The following HNRNPLL variants were observed in gnomAD, a reference collection of about 807,000 sequenced individuals.
HNRNPLL encodes heterogeneous nuclear ribonucleoprotein L like, also known as heterogeneous nuclear ribonucleoprotein L-like.
In HNRNPLL, 25 loss-of-function variants were observed where a neutral mutation model predicts 67.1. The observed-to-expected ratio is 0.37, with a 90% confidence interval of 0.27 to 0.52. The LOEUF (loss-of-function observed/expected upper bound fraction) is 0.52, where lower values mean the gene tolerates loss of function less well. Ranked by LOEUF, HNRNPLL falls within the 20% of genes least tolerant of loss-of-function variation. The probability of loss-of-function intolerance (pLI) is 0.90; values close to 1 mark genes in which losing one functional copy is unlikely to be tolerated. For synonymous variants in HNRNPLL, 267 were observed against 241.7 expected, an observed-to-expected ratio of 1.10 and a Z score of -0.97; for missense variants, 542 against 673.9, an observed-to-expected ratio of 0.80 and a Z score of 2.17.
At chr2:38,564,449 G>A (rs546102506) in intron 12 of HNRNPLL, among the ~76,000 whole-genome samples, 35 of 151,506 alleles carry the variant, frequency 2.3e-4, no homozygotes, top group Admixed American at 5.9e-4. Context: ...GTGAAACCCC[G>A]CCTCTACTAA....
chr2:38,580,542 T>C (rs1031380261), intron 6 of HNRNPLL, among the ~76,000 whole-genome samples: 15 of 152,200 alleles, frequency 9.9e-5, no homozygotes, highest in Non-Finnish European at 1.3e-4. Context: ...TTGTATGCCA[T>C]AAAATTTTTT....
intron 2 of HNRNPLL, among the ~76,000 whole-genome samples, chr2:38,591,138 GAAC>G (rs1176689437): frequency 2.0e-5 from 3 of 152,130 alleles, no homozygotes; most frequent in African/African-American, 7.2e-5. Flanking sequence ...CCAAAATCAA[GAAC>G]AACAAAAAAA....
intron 1 of HNRNPLL, among the ~76,000 whole-genome samples, chr2:38,597,893 T>C (rs1264079677): frequency 6.6e-6 from 1 of 152,088 alleles, no homozygotes; most frequent in Non-Finnish European, 1.5e-5. Context: ...TTCACCATCT[T>C]GGCCAGGCTG....
chr2:38,569,943 CA>C lies in HNRNPLL; in HGVS notation c.1093-19del. On this transcript the variant is annotated intron_variant, in intron 8 of 12. Transcript: ENST00000449105. ...AATTTTACCTGTAAACACAAAATTC[CA>C]AAAAGGTGACCATTTAATTCCCTTT... 1.3e-6 allele frequency: 2 copies of C among 1,556,384 alleles called. No individual in the cohort carries two copies. The highest frequency in any genetic ancestry group is 1.7e-6 in the Non-Finnish European group (2 of 1,150,036).
In HNRNPLL at chr2:38,597,268, T is replaced by C. The variant is rs141249793; in HGVS notation, c.189+5170A>G. ...TGATTTATTAAGTCACACCTAAGTT[T>C]ACTCTTCAGGCGAAATATCCTCCAG... On this transcript the variant is annotated intron_variant, in intron 1 of 12. Coordinates refer to ENST00000449105, the MANE Select transcript of HNRNPLL (RefSeq NM_138394.4). 9.8e-5 allele frequency among the ~76,000 whole-genome samples: 15 copies of C among 152,376 alleles called. No individual in the cohort carries two copies. In the East Asian group the frequency reaches 1.5e-3, roughly 16 times the overall value.
chr2:38,596,271 T>C (rs1667184978), intron 1 of HNRNPLL, among the ~76,000 whole-genome samples: 1 of 152,118 alleles, frequency 6.6e-6, no homozygotes, highest in African/African-American at 2.4e-5. Flanking sequence ...TAGAGACTTC[T>C]CTCTTTTTTG....
rs770228275 is a variant in HNRNPLL, at chr2:38,602,665, G to A, written c.-39C>T. The A allele has an allele frequency of 6.9e-7, 1 of 1,457,768 alleles. No homozygotes were observed. Among genetic ancestry groups the A allele is most frequent in the Middle Eastern group, 1.9e-4 (1 of 5,266 alleles). The allele number at this position is 1,457,768 out of a possible 1,614,324, so 90.3% of individuals were successfully genotyped here. ...GGGACCGGCTGGCAGGCGGGTGGGG[G>A]TGGCGGTGGGGCGCGCGCCTCGGAT... On this transcript the variant is annotated 5_prime_UTR_variant, in exon 1 of 13. Coordinates refer to ENST00000449105, the MANE Select transcript of HNRNPLL (RefSeq NM_138394.4).
intron 12 of HNRNPLL, among the ~76,000 whole-genome samples, chr2:38,564,613 C>CAA (rs70954732): frequency 0.093 from 3,341 of 35,922 alleles, 158 homozygotes; most frequent in Non-Finnish European, 0.12. Flanking sequence ...GACTCCGTCT[C>CAA]AAAAAAAAAA....
chr2:38,569,657 T>A (rs919277929), intron 9 of HNRNPLL, 147 bp downstream of exon 9: 2 of 534,206 alleles, frequency 3.7e-6, no homozygotes, highest in South Asian at 3.6e-5. Context: ...CCCTAACTCT[T>A]GTCTAAAATA....
intron 12 of HNRNPLL, 109 bp downstream of exon 12, chr2:38,568,090 C>T: frequency 3.0e-6 from 2 of 657,026 alleles, no homozygotes; most frequent in Admixed American, 3.2e-5. Context: ...TTGTATTTAT[C>T]TGTATTTTTT....
chr2:38,578,830 C>T (rs921749250), intron 6 of HNRNPLL, among the ~76,000 whole-genome samples: 10 of 152,020 alleles, frequency 6.6e-5, no homozygotes, highest in Non-Finnish European at 1.3e-4. Flanking sequence ...CAGACTTAGT[C>T]GTTGGCCAAA....
intron 1 of HNRNPLL, among the ~76,000 whole-genome samples, chr2:38,598,413 C>CA (rs1321361636): frequency 1.6e-4 from 25 of 152,190 alleles, no homozygotes; most frequent in Admixed American, 1.6e-3. Flanking sequence ...ACCAGTGTCA[C>CA]AATTTGGCTT....
intron 1 of HNRNPLL, chr2:38,600,107 T>C (rs971669966): frequency 9.7e-6 from 2 of 206,062 alleles, no homozygotes; most frequent in Non-Finnish European, 2.1e-5. Flanking sequence ...GATTTCAAAA[T>C]AGTACCAAAA....
Position 38,585,745 on chromosome 2 carries a change from T to C in HNRNPLL, c.445A>G (p.Thr149Ala). Residue 149 changes from threonine (T) to alanine (A), a missense_variant, in exon 3 of 13, where the codon ACA becomes GCA. Physicochemically the swap from Thr to Ala is moderately conservative, Grantham distance 58. Around this residue, in one of 2 missense-constraint regions of HNRNPLL, gnomAD observed 415 missense variants for 575.2 expected, o/e 0.72. Coordinates refer to ENST00000449105, the MANE Select transcript of HNRNPLL (RefSeq NM_138394.4). ...CCTGGCCGAGTGATCCTTTTGCTTG[T>C]AGAATAGTTGAAAAAAGCCTGTTGA... ...AGQQAFFNYSTSKRITRPGNT... is the reference protein window; with the variant it reads ...AGQQAFFNYSASKRITRPGNT... The C allele has an allele frequency of 6.2e-7, 1 of 1,613,962 alleles. No homozygotes were observed. The highest frequency in any genetic ancestry group is 8.5e-7 in the Non-Finnish European group (1 of 1,179,824).
At chr2:38,590,687 A>G (rs1218206078) in intron 2 of HNRNPLL, among the ~76,000 whole-genome samples, 2 of 152,206 alleles carry the variant, frequency 1.3e-5, no homozygotes, top group African/African-American at 2.4e-5. Context: ...TACAAGGCAC[A>G]AAAGGAAGAC....
intron 2 of HNRNPLL, among the ~76,000 whole-genome samples, 163 bp from the exon 3 acceptor site, chr2:38,586,044 C>T (rs1479110545): frequency 2.0e-5 from 3 of 149,854 alleles, no homozygotes; most frequent in African/African-American, 7.4e-5. Context: ...TTTTTTGAGA[C>T]GGAGTCTTTC....
chr2:38,580,128 A>G, intron 6 of HNRNPLL, among the ~76,000 whole-genome samples: 1 of 152,206 alleles, frequency 6.6e-6, no homozygotes, highest in Non-Finnish European at 1.5e-5. Context: ...CCCCTGAGAA[A>G]AATGTAACCA....
chr2:38,590,347 C>T (rs1382904288), intron 2 of HNRNPLL, among the ~76,000 whole-genome samples: 1 of 152,168 alleles, frequency 6.6e-6, no homozygotes, highest in Non-Finnish European at 1.5e-5. Flanking sequence ...AAATACTTAA[C>T]ATGAATTTTT....
chr2:38,565,655 G>C lies in HNRNPLL; in HGVS notation c.1574-1418C>G, dbSNP rs190511405. Among the ~76,000 whole-genome samples, 3 of 146,230 alleles carry C rather than the reference G, an allele frequency of 2.1e-5. No homozygotes were observed. The East Asian group carries it at 6.1e-4, about 30-fold the overall frequency. On this transcript the variant is annotated intron_variant, in intron 12 of 12. Transcript: ENST00000449105. ...AGGTGGGAGGATCACTTGAGCTCAGGAAAGTCGAGGCTGCAGTGGGCTGTG... is the reference window on the plus strand; with the variant it reads ...AGGTGGGAGGATCACTTGAGCTCAGCAAAGTCGAGGCTGCAGTGGGCTGTG...
Sources: gnomAD v4.1 joint callset for allele counts (sites outside exome capture counted in the v4.1 genomes callset) on GRCh38, gnomAD v4.1.1 for gene constraint, gnomAD v4.1.1 regional missense constraint, MANE v1.5 for transcripts, NCBI Gene and HGNC (gene_info 2026-07-23, HGNC 2026-07-21) for gene names.